THSD4: variants seen among roughly 807,000 people sequenced by gnomAD.
THSD4 encodes the protein thrombospondin type 1 domain containing 4, also known as thrombospondin type-1 domain-containing protein 4.
Under a neutral mutation model 119.0 loss-of-function variants are expected in THSD4, and 69 were observed. The ratio of observed to expected loss-of-function variants is 0.58; its 90% CI spans 0.48 to 0.71. THSD4 has a LOEUF of 0.71. Ranked by LOEUF, THSD4 falls within the 30% of genes least tolerant of loss-of-function variation. The probability of loss-of-function intolerance (pLI) is 0.00; values close to 1 mark genes in which losing one functional copy is unlikely to be tolerated. For missense variants in THSD4, 1,393 were observed against 1,391.1 expected, an observed-to-expected ratio of 1.00 and a Z score of -0.02; for synonymous variants, 524 against 540.4, an observed-to-expected ratio of 0.97 and a Z score of 0.42.
At chr15:71,530,798 G>GCCCC (rs1247398522) in intron 7 of THSD4, among the ~76,000 whole-genome samples, 1 of 136,816 alleles carries the variant, frequency 7.3e-6, no homozygotes, top group Non-Finnish European at 1.6e-5. Flanking sequence ...TGTGTACCAA[G>GCCCC]CCCCCGAAAA....
At chr15:71,384,401 T>A (rs1010186997) in intron 6 of THSD4, among the ~76,000 whole-genome samples, 1 of 151,666 alleles carries the variant, frequency 6.6e-6, no homozygotes, top group Non-Finnish European at 1.5e-5. Flanking sequence ...AACAAAAACA[T>A]GAAACTATTT....
At position 71,447,109 on chromosome 15, in the gene THSD4, A is replaced by ATTTTTTTTTTTTTTTT. The variant is rs1491223591; in HGVS notation, c.1152+35294_1152+35295insTTTTTTTTTTTTTTTT. ...TGTCCTCTGTTGCCCTCTTCCCTCCATTTTTTTTGTTTTTTTTTTTTTTTT... is the reference window on the plus strand; with the variant it reads ...TGTCCTCTGTTGCCCTCTTCCCTCCATTTTTTTTTTTTTTTTTTTTTTTTGTTTTTTTTTTTTTTTT... On this transcript the variant is annotated intron_variant, in intron 7 of 17. Coordinates refer to ENST00000261862, the MANE Select transcript of THSD4 (RefSeq NM_024817.3). Among the ~76,000 whole-genome samples, 3 of 69,446 alleles carry ATTTTTTTTTTTTTTTT rather than the reference A, an allele frequency of 4.3e-5. 1 individual carries two copies. 45.6% of individuals were successfully genotyped at this position (69,446 alleles called of 152,430 possible).
At chr15:71,732,183 G>A (rs1278143741) in intron 10 of THSD4, 3 of 152,338 alleles carry the variant, frequency 2.0e-5, no homozygotes, top group East Asian at 1.9e-4. Flanking sequence ...TTTTTGCTAT[G>A]TAAGGTAGCA....
intron 8 of THSD4, among the ~76,000 whole-genome samples, chr15:71,685,919 CA>C (rs2051899214): frequency 6.6e-6 from 1 of 152,128 alleles, no homozygotes; most frequent in Admixed American, 6.5e-5. Context: ...ACCATACTTT[CA>C]GATATACTTT....
In THSD4 at chr15:71,420,548, TTTCC is replaced by T. The variant is rs1402044605; in HGVS notation, c.1152+8735_1152+8738del. ...CTGATTGTTTTGTAGTCTTCTCTTC[TTTCC>T]TTCCTTCCTGTCTTCCTTTTAGTGA... On this transcript the variant is annotated intron_variant, in intron 7 of 17. Coordinates refer to ENST00000261862, the MANE Select transcript of THSD4 (RefSeq NM_024817.3). Among the ~76,000 whole-genome samples, 33 of 107,588 alleles carry T rather than the reference TTTCC, an allele frequency of 3.1e-4. 6 individuals are homozygous for T. The highest frequency in any genetic ancestry group is 9.8e-4 in the African/African-American group (31 of 31,606). 70.6% of individuals were successfully genotyped at this position (107,588 alleles called of 152,430 possible).
At chr15:71,125,815 G>T (rs189445784) in intron 1 of THSD4, among the ~76,000 whole-genome samples, 2 of 152,366 alleles carry the variant, frequency 1.3e-5, no homozygotes, top group Admixed American at 6.5e-5. Flanking sequence ...GTGGTGCTGT[G>T]GTTCTTGGCT....
intron 2 of THSD4, among the ~76,000 whole-genome samples, chr15:71,151,095 T>C (rs1263874666): frequency 6.6e-6 from 1 of 152,126 alleles, no homozygotes; most frequent in Admixed American, 6.5e-5. Flanking sequence ...CACTGTTTTT[T>C]GTAGGGTCAA....
At position 71,108,103 on chromosome 15, in the gene THSD4, A is replaced by G. The variant is rs574331403; in HGVS notation, c.-80+11097A>G. Among the ~76,000 whole-genome samples, 17 of 152,332 alleles carry G rather than the reference A, an allele frequency of 1.1e-4. 1 individual carries two copies. The South Asian group carries it at 3.5e-3, about 32-fold the overall frequency. On this transcript the variant is annotated intron_variant, in intron 1 of 17. Coordinates refer to the THSD4 transcript ENST00000355327. ...CCATGTGGCCTGCTTGCTGGCAGAT[A>G]CAAGGATAGGTGCAGCTCTTTACAA...
intron 6 of THSD4, among the ~76,000 whole-genome samples, chr15:71,387,000 G>A (rs79683308): frequency 5.3e-5 from 8 of 152,150 alleles, no homozygotes; most frequent in East Asian, 3.8e-4. Flanking sequence ...CAAGGTTTCC[G>A]GGTTTTCTGT....
intron 9 of THSD4, chr15:71,730,871 G>A: frequency 2.1e-6 from 1 of 472,402 alleles, no homozygotes; most frequent in East Asian, 3.8e-5. Flanking sequence ...TTGGAGTTTA[G>A]AAAATCTTGA....
chr15:71,233,628 A>G (rs1162578666), intron 4 of THSD4, among the ~76,000 whole-genome samples: 3 of 152,192 alleles, frequency 2.0e-5, no homozygotes, highest in Non-Finnish European at 2.9e-5. Context: ...GCTTCATAGT[A>G]CTCCAATATC....
At chr15:71,458,379 A>G (rs1313504842) in intron 7 of THSD4, among the ~76,000 whole-genome samples, 8 of 152,216 alleles carry the variant, frequency 5.3e-5, no homozygotes, top group Non-Finnish European at 1.0e-4. Flanking sequence ...TATATTTATA[A>G]CAATATTATC....
chr15:71,485,982 C>CT (rs2047810449), intron 7 of THSD4, among the ~76,000 whole-genome samples: 2 of 152,054 alleles, frequency 1.3e-5, no homozygotes, highest in Non-Finnish European at 2.9e-5. Flanking sequence ...GGCAAATATC[C>CT]TTTTTTAGAA....
At chr15:71,666,288 C>T (rs1280140378) in intron 8 of THSD4, among the ~76,000 whole-genome samples, 3 of 151,942 alleles carry the variant, frequency 2.0e-5, no homozygotes, top group African/African-American at 7.3e-5. Flanking sequence ...ATTTTTTAAG[C>T]CCTCAATATT....
At chr15:71,689,026 G>A (rs1019493423) in intron 8 of THSD4, among the ~76,000 whole-genome samples, 1 of 152,242 alleles carries the variant, frequency 6.6e-6, no homozygotes, top group South Asian at 2.1e-4. Context: ...TGGCTGGCAG[G>A]CAAGAGCCAG....
intron 7 of THSD4, among the ~76,000 whole-genome samples, chr15:71,470,309 G>C (rs72760695): frequency 0.15 from 23,467 of 152,116 alleles, 2,273 homozygotes; most frequent in East Asian, 0.3. Flanking sequence ...CCCTACCTGA[G>C]GGAACCAATA....
At chr15:71,461,440 G>C (rs1000951315) in intron 7 of THSD4, among the ~76,000 whole-genome samples, 14 of 152,192 alleles carry the variant, frequency 9.2e-5, no homozygotes, top group South Asian at 4.1e-4. Context: ...GGGACTTATA[G>C]AAGGGCATGA....
intron 7 of THSD4, among the ~76,000 whole-genome samples, chr15:71,505,539 A>C (rs1020773953): frequency 6.6e-6 from 1 of 152,262 alleles, no homozygotes; most frequent in Non-Finnish European, 1.5e-5. Context: ...TTGTGATTAA[A>C]ATAGCAAATG....
At chr15:71,272,993 C>CA (rs1464475430) in intron 6 of THSD4, among the ~76,000 whole-genome samples, 2 of 151,776 alleles carry the variant, frequency 1.3e-5, no homozygotes, top group African/African-American at 4.8e-5. Context: ...GGAAGTTTCT[C>CA]AAAAAAAACT....
Sources: gnomAD v4.1 joint callset for allele counts (sites outside exome capture counted in the v4.1 genomes callset) on GRCh38, gnomAD v4.1.1 for gene constraint, MANE v1.5 for transcripts, NCBI Gene and HGNC (gene_info 2026-07-23, HGNC 2026-07-21) for gene names.